The following FOXN3 variants were observed in gnomAD, a reference collection of about 807,000 sequenced individuals.
FOXN3 encodes forkhead box N3.
A neutral mutation model predicts 38.4 loss-of-function variants in FOXN3; 7 were observed. That is an observed-to-expected ratio of 0.18 (90% CI 0.10 to 0.34). The LOEUF (loss-of-function observed/expected upper bound fraction) is 0.34. Ranked by LOEUF, FOXN3 falls within the 10% of genes least tolerant of loss-of-function variation. The probability of loss-of-function intolerance (pLI) is 1.00; values close to 1 mark genes in which losing one functional copy is unlikely to be tolerated. For synonymous variants in FOXN3, 230 were observed against 242.2 expected, an observed-to-expected ratio of 0.95 and a Z score of 0.47; for missense variants, 456 against 613.4, an observed-to-expected ratio of 0.74 and a Z score of 2.71.
At chr14:89,485,144 T>C (rs1229806979) in intron 1 of FOXN3, among the ~76,000 whole-genome samples, 5 of 88,848 alleles carry the variant, frequency 5.6e-5, no homozygotes, top group Admixed American at 1.1e-4. Flanking sequence ...AGAGCAAGAC[T>C]CTCTCAAAAA....
intron 3 of FOXN3, among the ~76,000 whole-genome samples, chr14:89,326,218 A>G (rs1888079529): frequency 6.6e-6 from 1 of 152,200 alleles, no homozygotes; most frequent in Non-Finnish European, 1.5e-5. Context: ...GGTGCTGTCA[A>G]AGAAAATAGC....
At chr14:89,306,745 A>C (rs1360267322) in intron 3 of FOXN3, among the ~76,000 whole-genome samples, 2 of 152,200 alleles carry the variant, frequency 1.3e-5, no homozygotes, top group Non-Finnish European at 2.9e-5. Flanking sequence ...CAGAACTAGG[A>C]CGGGGGTTGG....
At chr14:89,310,115 G>A (rs769987624) in intron 3 of FOXN3, among the ~76,000 whole-genome samples, 8 of 152,234 alleles carry the variant, frequency 5.3e-5, no homozygotes, top group Non-Finnish European at 1.2e-4. Context: ...CTAGTGCAGA[G>A]TGGGCATAAT....
At chr14:89,363,966 A>AT (rs1403216815) in intron 2 of FOXN3, among the ~76,000 whole-genome samples, 1 of 46,198 alleles carries the variant, frequency 2.2e-5, no homozygotes, top group African/African-American at 9.7e-5. Flanking sequence ...ATATATATAT[A>AT]TATATATATA....
intron 1 of FOXN3, among the ~76,000 whole-genome samples, chr14:89,481,158 G>T (rs1277339390): frequency 6.6e-6 from 1 of 151,720 alleles, no homozygotes; most frequent in African/African-American, 2.4e-5. Context: ...GGCTGTTTGG[G>T]TTGGGAAGGG....
intron 3 of FOXN3, among the ~76,000 whole-genome samples, chr14:89,320,424 A>G (rs1887864309): frequency 6.6e-6 from 1 of 152,270 alleles, no homozygotes; most frequent in South Asian, 2.1e-4. Context: ...TCAGGATTCC[A>G]TGGTATGAAA....
intron 4 of FOXN3, among the ~76,000 whole-genome samples, chr14:89,259,135 C>T (rs1244983997): frequency 6.6e-6 from 1 of 152,260 alleles, no homozygotes; most frequent in African/African-American, 2.4e-5. Context: ...GTTCCTGGAA[C>T]TATCACTGAA....
At chr14:89,444,007 C>CAAA (rs569571116) in intron 1 of FOXN3, among the ~76,000 whole-genome samples, 9,829 of 67,440 alleles carry the variant, frequency 0.15, 1,540 homozygotes, top group East Asian at 0.45. Context: ...GAAACTCTGT[C>CAAA]AAAAAAAAAA....
At chr14:89,295,347 A>G (rs2139939149) in intron 3 of FOXN3, among the ~76,000 whole-genome samples, 1 of 152,108 alleles carries the variant, frequency 6.6e-6, no homozygotes, top group East Asian at 1.9e-4. Flanking sequence ...AATTAATTGC[A>G]CTCTGCAGTG....
intron 1 of FOXN3, among the ~76,000 whole-genome samples, chr14:89,505,305 C>G (rs1010055895): frequency 6.7e-6 from 1 of 148,424 alleles, no homozygotes; most frequent in African/African-American, 2.5e-5. Context: ...CCTCTCCCCA[C>G]GGTCTCCCTC....
chr14:89,541,276 G>T (rs1293142168), intron 1 of FOXN3, among the ~76,000 whole-genome samples: 1 of 152,184 alleles, frequency 6.6e-6, no homozygotes, highest in African/African-American at 2.4e-5. Flanking sequence ...ATAAGGCTGA[G>T]ATCTACTCGG....
chr14:89,212,236 GTGTTA>G (rs1279283699), intron 4 of FOXN3, among the ~76,000 whole-genome samples: 2 of 152,230 alleles, frequency 1.3e-5, no homozygotes, highest in Non-Finnish European at 2.9e-5. Context: ...TCTTTGGCCA[GTGTTA>G]TGTTATCAGA....
intron 2 of FOXN3, among the ~76,000 whole-genome samples, chr14:89,388,354 G>A (rs1211806360): frequency 3.9e-5 from 6 of 152,316 alleles, no homozygotes; most frequent in African/African-American, 1.4e-4. Context: ...GACAGTGAAC[G>A]CTGCACCTGC....
intron 4 of FOXN3, among the ~76,000 whole-genome samples, chr14:89,229,041 AC>A (rs1218566069): frequency 6.6e-6 from 1 of 152,160 alleles, no homozygotes; most frequent in African/African-American, 2.4e-5. Flanking sequence ...CTTGCACAAC[AC>A]CAGGCCTCGT....
At chr14:89,356,048 A>AG (rs1889208664) in intron 2 of FOXN3, among the ~76,000 whole-genome samples, 1 of 152,166 alleles carries the variant, frequency 6.6e-6, no homozygotes, top group African/African-American at 2.4e-5. Flanking sequence ...ATGAAAAGAA[A>AG]AAAAAAGAAA....
chr14:89,457,263 G>T (rs975877954), intron 1 of FOXN3, among the ~76,000 whole-genome samples: 2 of 152,166 alleles, frequency 1.3e-5, no homozygotes, highest in East Asian at 3.8e-4. Flanking sequence ...GGTGTGTGAG[G>T]CAGAAAGACG....
intron 3 of FOXN3, among the ~76,000 whole-genome samples, chr14:89,335,366 C>T (rs1228522876): frequency 6.6e-6 from 1 of 152,222 alleles, no homozygotes; most frequent in Non-Finnish European, 1.5e-5. Context: ...GTCATTCCTA[C>T]ACCTGCTTAG....
intron 3 of FOXN3, among the ~76,000 whole-genome samples, chr14:89,337,793 C>G (rs1888508923): frequency 6.6e-6 from 1 of 152,106 alleles, no homozygotes; most frequent in Non-Finnish European, 1.5e-5. Context: ...CCAAGCCCAG[C>G]TAATTTTTGT....
At chr14:89,488,899 G>A (rs528854316) in intron 1 of FOXN3, among the ~76,000 whole-genome samples, 1 of 152,292 alleles carries the variant, frequency 6.6e-6, no homozygotes, top group East Asian at 1.9e-4. Flanking sequence ...CAAGTTGAGA[G>A]GGGTATGACT....
Sources: gnomAD v4.1 joint callset for allele counts (sites outside exome capture counted in the v4.1 genomes callset) on GRCh38, gnomAD v4.1.1 for gene constraint, MANE v1.5 for transcripts, NCBI Gene and HGNC (gene_info 2026-07-23, HGNC 2026-07-21) for gene names.